Variants in SLC13A3 observed in about 807,000 individuals in gnomAD.
SLC13A3 encodes Na(+)/dicarboxylate cotransporter 3.
SLC13A3 carries 40 observed loss-of-function variants against 59.0 expected under a neutral mutation model. That is an observed-to-expected ratio of 0.68 (90% CI 0.53 to 0.88). The LOEUF (loss-of-function observed/expected upper bound fraction) is 0.88, where lower values mean the gene tolerates loss of function less well. Among genes scored for constraint, SLC13A3 ranks in the 40% least tolerant of loss-of-function variants. SLC13A3 has a pLI of 0.00. For missense variants in SLC13A3, 699 were observed against 783.2 expected (o/e 0.89, Z 1.28); for synonymous variants, 317 against 330.3 (o/e 0.96, Z 0.44).
At position 46,678,677 on chromosome 20, in the gene SLC13A3, AAATCTTCCACAGAAGC is replaced by A. The variant is rs541892588; in HGVS notation, c.-31+5703_-31+5718del. 1.1e-3 allele frequency among the ~76,000 whole-genome samples: 173 copies of A among 152,320 alleles called. No homozygotes were observed. The East Asian group carries it at 0.022, about 19-fold the overall frequency. On this transcript the variant is annotated intron_variant, in intron 1 of 6. Transcript: ENST00000372121. ...ATCTTCTCACCTTCTAGGAGAAGCA[AAATCTTCCACAGAAGC>A]AATCTTCCCAGATTTGCTCTTGTAT...
chr20:46,661,581 C>T (rs1418604529), intron 1 of SLC13A3, among the ~76,000 whole-genome samples: 2 of 151,796 alleles, frequency 1.3e-5, no homozygotes, highest in East Asian at 3.9e-4. Flanking sequence ...TGCCATGGGG[C>T]TTTTTGGTCA....
intron 1 of SLC13A3, among the ~76,000 whole-genome samples, chr20:46,614,460 A>G (rs1049256381): frequency 2.0e-5 from 3 of 152,228 alleles, no homozygotes; most frequent in African/African-American, 7.2e-5. Context: ...CCCGCAGTCC[A>G]TCTCAGAGGC....
chr20:46,660,873 A>G (rs2063025721), intron 1 of SLC13A3, among the ~76,000 whole-genome samples: 1 of 151,720 alleles, frequency 6.6e-6, no homozygotes, highest in Non-Finnish European at 1.5e-5. Flanking sequence ...ATTTTCTATT[A>G]CCTGTCTTTA....
chr20:46,649,591 C>T (rs955555866), intron 1 of SLC13A3, among the ~76,000 whole-genome samples: 1 of 152,180 alleles, frequency 6.6e-6, no homozygotes, highest in Non-Finnish European at 1.5e-5. Flanking sequence ...CCCACACTTC[C>T]ACCAAAGATG....
chr20:46,666,991 G>A (rs539318619), intron 1 of SLC13A3, among the ~76,000 whole-genome samples: 3 of 152,090 alleles, frequency 2.0e-5, no homozygotes, highest in South Asian at 2.1e-4. Context: ...GGGAGACTAC[G>A]AGATAGCAAG....
At position 46,570,409 on chromosome 20, in the gene SLC13A3, G is replaced by T. The variant is rs1400959116; in HGVS notation, c.1333-4019C>A. On this transcript the variant is annotated intron_variant, in intron 10 of 12. Coordinates refer to ENST00000279027, the MANE Select transcript of SLC13A3 (RefSeq NM_022829.6). Reference sequence around the variant, plus strand: ...TCTCAATAAGCCCATCACGAATTGAGAATATTGAAGTAGAAAATGCATGTA... The same window carrying T: ...TCTCAATAAGCCCATCACGAATTGATAATATTGAAGTAGAAAATGCATGTA... 2.0e-5 allele frequency among the ~76,000 whole-genome samples: 3 copies of T among 152,186 alleles called. No homozygotes were observed. In the East Asian group the frequency reaches 5.8e-4, roughly 29 times the overall value.
chr20:46,633,806 A>T (rs1247712833), intron 1 of SLC13A3, among the ~76,000 whole-genome samples: 1 of 152,246 alleles, frequency 6.6e-6, no homozygotes, highest in Non-Finnish European at 1.5e-5. Context: ...CATAGACAAG[A>T]AGAACAAAGC....
rs751171387 is a variant in SLC13A3 at position 46,560,013 on chromosome 20, C to T, written c.*9G>A. 2 of 1,613,470 alleles carry T rather than the reference C, an allele frequency of 1.2e-6. No individual in the cohort carries two copies. The highest frequency in any genetic ancestry group is 1.7e-6 in the Non-Finnish European group (2 of 1,179,744). ...AGGGTTCAGCCTCAAGGGAGTCCTC[C>T]AGGGGGACTCAGAGGGTCCGAAATG... On this transcript the variant is annotated 3_prime_UTR_variant, in exon 13 of 13. Coordinates refer to ENST00000279027, the MANE Select transcript of SLC13A3 (RefSeq NM_022829.6).
chr20:46,664,999 C>T (rs1199417582), intron 1 of SLC13A3, among the ~76,000 whole-genome samples: 1 of 151,936 alleles, frequency 6.6e-6, no homozygotes, highest in Non-Finnish European at 1.5e-5. Flanking sequence ...ACAAGGGCAG[C>T]CATTGTAGAG....
chr20:46,628,493 G>A (rs560438284), intron 1 of SLC13A3, among the ~76,000 whole-genome samples: 2 of 152,332 alleles, frequency 1.3e-5, no homozygotes, highest in African/African-American at 4.8e-5. Flanking sequence ...TGCATCTGGA[G>A]AAGACAGGTG....
intron 5 of SLC13A3, 25 bp downstream of exon 5, chr20:46,596,132 C>T (rs775417099): frequency 4.2e-5 from 67 of 1,606,196 alleles, no homozygotes; most frequent in African/African-American, 5.3e-5. Flanking sequence ...GAACCCTCCC[C>T]GCCGGTGGGG....
chr20:46,615,378 G>A (rs2062545074), intron 1 of SLC13A3, among the ~76,000 whole-genome samples: 1 of 152,094 alleles, frequency 6.6e-6, no homozygotes, highest in African/African-American at 2.4e-5. Flanking sequence ...AACAGGACAG[G>A]TATCAGGTTA....
chr20:46,599,548 AT>A (rs1243020571), intron 4 of SLC13A3, among the ~76,000 whole-genome samples: 22 of 152,362 alleles, frequency 1.4e-4, no homozygotes, highest in African/African-American at 5.0e-4. Context: ...TTCAACATCA[AT>A]GTGAAGATGC....
chr20:46,612,124 C>CTTTTTTTTTTTTTT (rs57019153), intron 2 of SLC13A3, among the ~76,000 whole-genome samples: 39 of 68,932 alleles, frequency 5.7e-4, no homozygotes, highest in East Asian at 9.6e-4. Context: ...TCTCTCTTTG[C>CTTTTTTTTTTTTTT]TTTTTTTTTT....
chr20:46,672,465 T>C (rs1351157189), upstream of SLC13A3, among the ~76,000 whole-genome samples: 1 of 152,166 alleles, frequency 6.6e-6, no homozygotes, highest in Non-Finnish European at 1.5e-5. Flanking sequence ...GGATCTGACA[T>C]GAAATGAGGC....
intron 1 of SLC13A3, among the ~76,000 whole-genome samples, chr20:46,618,807 G>T (rs951238583): frequency 6.6e-6 from 1 of 152,166 alleles, no homozygotes; most frequent in African/African-American, 2.4e-5. Context: ...TCTCGCTTCA[G>T]TGCCCATCAT....
intron 1 of SLC13A3, among the ~76,000 whole-genome samples, chr20:46,669,616 A>G (rs527882769): frequency 6.6e-6 from 1 of 152,326 alleles, no homozygotes; most frequent in South Asian, 2.1e-4. Context: ...GCAAGAGACC[A>G]CATGAGCTGG....
intron 1 of SLC13A3, among the ~76,000 whole-genome samples, chr20:46,661,835 C>T (rs939515851): frequency 6.6e-6 from 1 of 152,274 alleles, no homozygotes; most frequent in Non-Finnish European, 1.5e-5. Flanking sequence ...GTTCTCCTGA[C>T]CTGTTCCCCT....
rs999573994 is a variant in SLC13A3, at chr20:46,681,158, C to T, written c.-31+3238G>A. Reference sequence around the variant, plus strand: ...CTGCAGCTTCTTCAGAAGAGCCAGACGCAGCCCATGTGCTCACTAAGTACC... The same window carrying T: ...CTGCAGCTTCTTCAGAAGAGCCAGATGCAGCCCATGTGCTCACTAAGTACC... On this transcript the variant is annotated intron_variant, in intron 1 of 6. Coordinates refer to the SLC13A3 transcript ENST00000372121. Among the ~76,000 whole-genome samples the T allele has an allele frequency of 8.3e-4, 127 of 152,306 alleles. 1 individual carries two copies. Among genetic ancestry groups the T allele is most frequent in the Non-Finnish European group, 2.4e-4 (16 of 68,016 alleles).
Sources: gnomAD v4.1 joint callset for allele counts (sites outside exome capture counted in the v4.1 genomes callset) on GRCh38, gnomAD v4.1.1 for gene constraint, MANE v1.5 for transcripts, NCBI Gene and HGNC (gene_info 2026-07-23, HGNC 2026-07-21) for gene names.